DDX4: variants seen among roughly 807,000 people sequenced by gnomAD.
DDX4 encodes probable ATP-dependent RNA helicase DDX4.
A neutral mutation model predicts 100.0 loss-of-function variants in DDX4; 25 were observed. The observed-to-expected ratio is 0.25, with a 90% CI of 0.18 to 0.35. The LOEUF is 0.35. Ranked by LOEUF, DDX4 falls within the 10% of genes least tolerant of loss-of-function variation. The probability of loss-of-function intolerance (pLI) is 1.00; values close to 1 mark genes in which losing one functional copy is unlikely to be tolerated. For synonymous variants in DDX4, 259 were observed against 275.7 expected (o/e 0.94, Z 0.60); for missense variants, 635 against 882.4 (o/e 0.72, Z 3.55).
At chr5:55,792,522 G>A in intron 16 of DDX4, 119 bp from the exon 17 acceptor site, 1 of 500,298 alleles carries the variant, frequency 2.0e-6, no homozygotes. Flanking sequence ...AACACGCCTG[G>A]CTAATTTTTT....
In DDX4 at chr5:55,813,713, A is replaced by G. The variant is rs1402097468; in HGVS notation, c.1656A>G (p.Lys552=). The G allele has an allele frequency of 1.2e-6, 2 of 1,601,294 alleles. No homozygotes were observed. Among genetic ancestry groups the G allele is most frequent in the East Asian group, 4.5e-5 (2 of 44,276 alleles). ...TGGTCTTTGTTGAAACTAAGAAAAAAGCAGATTTTATTGCAACTTTTCTTT... is the reference window on the plus strand; with the variant it reads ...TGGTCTTTGTTGAAACTAAGAAAAAGGCAGATTTTATTGCAACTTTTCTTT... ...RTMVFVETKK[K]ADFIATFLCQ... is the part of the protein sequence containing the mutation. The change falls in exon 19 of 22, where the codon AAA becomes AAG. Residue 552 remains lysine, a synonymous_variant. Coordinates refer to ENST00000505374, the MANE Select transcript of DDX4 (RefSeq NM_024415.3).
intron 3 of DDX4, among the ~76,000 whole-genome samples, chr5:55,758,080 T>A (rs1760054290): frequency 6.6e-6 from 1 of 152,148 alleles, no homozygotes; most frequent in Non-Finnish European, 1.5e-5. Context: ...CATGCACATT[T>A]GGGTTGTTTC....
chr5:55,790,857 C>CCCTGCGATTA, intron 16 of DDX4, 152 bp downstream of exon 16: 1 of 700,804 alleles, frequency 1.4e-6, no homozygotes, highest in Non-Finnish European at 2.4e-6. Flanking sequence ...TTATATAATT[C>CCCTGCGATTA]TCAAGATAAT....
chr5:55,801,592 GTCTACC>G (rs910501011), intron 18 of DDX4, among the ~76,000 whole-genome samples: 4 of 152,072 alleles, frequency 2.6e-5, no homozygotes, highest in Non-Finnish European at 4.4e-5. Flanking sequence ...GACAGCCTGT[GTCTACC>G]TCATGACCAT....
chr5:55,801,168 A>G (rs776966936), intron 18 of DDX4, among the ~76,000 whole-genome samples: 1 of 151,148 alleles, frequency 6.6e-6, no homozygotes, highest in Non-Finnish European at 1.5e-5. Flanking sequence ...ATAGCTTTGA[A>G]TGTGGCTCAA....
chr5:55,803,292 G>T (rs774665044), intron 18 of DDX4, among the ~76,000 whole-genome samples: 4 of 150,844 alleles, frequency 2.7e-5, no homozygotes, highest in Non-Finnish European at 4.4e-5. Flanking sequence ...CATTTTTTAA[G>T]GCTGCATAGT....
At chr5:55,794,183 C>CTTTT (rs70995739) in intron 17 of DDX4, among the ~76,000 whole-genome samples, 5 of 136,202 alleles carry the variant, frequency 3.7e-5, no homozygotes, top group Admixed American at 1.5e-4. Flanking sequence ...TATTTTCTTT[C>CTTTT]TTTTTTTTTT....
chr5:55,793,468 A>C (rs143001751), intron 17 of DDX4, among the ~76,000 whole-genome samples: 279 of 152,292 alleles, frequency 1.8e-3, no homozygotes, highest in African/African-American at 4.8e-3. Context: ...TTTGGACTTA[A>C]AATAGGTTTA....
At chr5:55,801,033 T>C (rs899235585) in intron 18 of DDX4, among the ~76,000 whole-genome samples, 2 of 152,156 alleles carry the variant, frequency 1.3e-5, no homozygotes, top group African/African-American at 2.4e-5. Context: ...TTGAGCTCTT[T>C]AGTTACGAAA....
chr5:55,768,005 T>A (rs1315718653), intron 7 of DDX4, 65 bp downstream of exon 7: 3 of 1,400,862 alleles, frequency 2.1e-6, no homozygotes, highest in Non-Finnish European at 3.0e-6. Flanking sequence ...AAAACTGATT[T>A]TGAAGGAGCT....
intron 3 of DDX4, among the ~76,000 whole-genome samples, chr5:55,756,462 C>T (rs1759943767): frequency 6.6e-6 from 1 of 152,120 alleles, no homozygotes; most frequent in South Asian, 2.1e-4. Flanking sequence ...CCCTAAGCAC[C>T]ACTAAATAGT....
intron 18 of DDX4, among the ~76,000 whole-genome samples, chr5:55,804,454 T>A (rs1388539659): frequency 3.3e-5 from 5 of 152,180 alleles, no homozygotes; most frequent in South Asian, 4.1e-4. Context: ...TTATGGTTTC[T>A]GGTCTAACGT....
At chr5:55,816,338 T>A in intron 21 of DDX4, 125 bp from the exon 22 acceptor site, 1 of 1,374,830 alleles carries the variant, frequency 7.3e-7, no homozygotes, top group Non-Finnish European at 9.6e-7. Flanking sequence ...AGTTCTTTGA[T>A]TATTTGGGGA....
intron 18 of DDX4, among the ~76,000 whole-genome samples, chr5:55,811,300 C>G (rs1416557446): frequency 6.6e-6 from 1 of 151,984 alleles, no homozygotes; most frequent in Non-Finnish European, 1.5e-5. Flanking sequence ...TTTCATTGTG[C>G]TTTTTCAGTT....
intron 7 of DDX4, among the ~76,000 whole-genome samples, chr5:55,768,493 C>T (rs944093169): frequency 6.6e-6 from 1 of 152,098 alleles, no homozygotes; most frequent in Non-Finnish European, 1.5e-5. Flanking sequence ...TTCCATGGCG[C>T]ATATATACCA....
At chr5:55,815,579 A>C (rs1369302713) in intron 21 of DDX4, among the ~76,000 whole-genome samples, 156 bp downstream of exon 21, 1 of 152,136 alleles carries the variant, frequency 6.6e-6, no homozygotes, top group Non-Finnish European at 1.5e-5. Flanking sequence ...TTTTATGTAT[A>C]TACATATTTT....
At chr5:55,776,136 G>C (rs1012810597) in intron 7 of DDX4, among the ~76,000 whole-genome samples, 3 of 151,862 alleles carry the variant, frequency 2.0e-5, no homozygotes, top group African/African-American at 7.2e-5. Context: ...CAAAAAACAA[G>C]AAAAGGACTC....
chr5:55,741,516 G>T (rs898296395), intron 2 of DDX4, among the ~76,000 whole-genome samples: 3 of 152,118 alleles, frequency 2.0e-5, no homozygotes, highest in African/African-American at 7.2e-5. Flanking sequence ...GGCCAGGTGC[G>T]GTGGTTCATG....
intron 18 of DDX4, among the ~76,000 whole-genome samples, chr5:55,806,170 AT>A (rs1743699200): frequency 2.0e-5 from 3 of 152,008 alleles, no homozygotes; most frequent in Admixed American, 2.0e-4. Flanking sequence ...TGGTGGTGAT[AT>A]CCCCTTTATC....
Sources: gnomAD v4.1 joint callset for allele counts (sites outside exome capture counted in the v4.1 genomes callset) on GRCh38, gnomAD v4.1.1 for gene constraint, MANE v1.5 for transcripts, NCBI Gene and HGNC (gene_info 2026-07-23, HGNC 2026-07-21) for gene names.